Variants in RAD23A observed in about 807,000 individuals in gnomAD.
RAD23A encodes the protein lysine-specific demethylase RAD23A.
RAD23A carries 16 observed loss-of-function variants against 44.8 expected under a neutral mutation model. The observed-to-expected ratio is 0.36, with a 90% confidence interval of 0.24 to 0.54. RAD23A has a LOEUF of 0.54. Ranked by LOEUF, RAD23A falls within the 20% of genes least tolerant of loss-of-function variation. The pLI, the probability that RAD23A is intolerant of heterozygous loss-of-function variation, is 0.89. For missense variants in RAD23A, 380 were observed against 483.3 expected (o/e 0.79, Z 2.00); for synonymous variants, 217 against 202.9 (o/e 1.07, Z -0.59).
At position 12,953,077 on chromosome 19, in the gene RAD23A, C is replaced by T. The variant is rs893801263; in HGVS notation, c.*28C>T. ...CCAGGAAGCCAGGCCACCGAAGCCC[C>T]CACCCTACCCTTATTCCATGAAAGT... On this transcript the variant is annotated 3_prime_UTR_variant, in exon 9 of 9. Coordinates refer to ENST00000586534, the MANE Select transcript of RAD23A (RefSeq NM_005053.4). The T allele has an allele frequency of 2.0e-6, 3 of 1,505,092 alleles. No individual in the cohort carries two copies. In the African/African-American group the frequency reaches 4.2e-5, roughly 21 times the overall value. 93.2% of individuals were successfully genotyped at this position (1,505,092 alleles called of 1,614,324 possible). A position where few individuals can be genotyped will look rare whatever the true frequency, so the allele number is the denominator to read the frequency against.
intron 7 of RAD23A, 179 bp downstream of exon 7, chr19:12,949,587 A>G: frequency 1.3e-6 from 1 of 761,690 alleles, no homozygotes; most frequent in Non-Finnish European, 2.1e-6. Context: ...AGTCTTCCCA[A>G]CCACCTTGTA....
chr19:12,946,432 G>GACA (rs1161835640), intron 1 of RAD23A, among the ~76,000 whole-genome samples: 1 of 152,198 alleles, frequency 6.6e-6, no homozygotes, highest in East Asian at 1.9e-4. Context: ...GAGTAGTGAC[G>GACA]ACAACAACGA....
chr19:12,948,787 C>T lies in RAD23A; in HGVS notation c.574C>T (p.His192Tyr). 6.2e-7 allele frequency: 1 copy of T among 1,612,200 alleles called. No individual in the cohort carries two copies. Among genetic ancestry groups the T allele is most frequent in the South Asian group, 1.1e-5 (1 of 90,978 alleles). ...AALRASYNNP[H>Y]RAVEYLLTGI... The stretch of plus-strand genomic sequence containing the variant: ...CCTGAGAGCCAGCTACAACAACCCC[C>T]ACCGAGCCGTGGAGTATCTGCTCAC... The change falls in exon 5 of 9, where the codon CAC (histidine) becomes TAC (tyrosine). Residue 192 changes from histidine to tyrosine, a missense_variant. His to Tyr is a moderately conservative substitution (Grantham distance 83, BLOSUM62 2). Around this residue, in one of 3 missense-constraint regions of RAD23A, gnomAD observed 279 missense variants for 313.7 expected, o/e 0.89. Coordinates refer to ENST00000586534, the MANE Select transcript of RAD23A (RefSeq NM_005053.4). The surrounding 1 kb of genome is among the most constrained non-coding windows in gnomAD (Gnocchi z 5.5).
chr19:12,948,492 T>G lies in RAD23A; in HGVS notation c.417-5T>G. 1.9e-6 allele frequency: 3 copies of G among 1,582,490 alleles called. No individual in the cohort carries two copies. The highest frequency in any genetic ancestry group is 2.6e-6 in the Non-Finnish European group (3 of 1,164,870). On this transcript the variant is annotated splice_polypyrimidine_tract_variant and splice_region_variant and intron_variant, in intron 3 of 8. Transcript: ENST00000586534. This position sits in a 1 kb window ranked among gnomAD's most constrained non-coding sequence, Gnocchi z 5.5. ...GGGTCCGATTTCTCTCTCTTGAATT[T>G]GCAGCTCTGTTCCCTCTTCAGGTAG...
In RAD23A at chr19:12,948,340, C is replaced by T. The variant is rs1971719531; in HGVS notation, c.398C>T (p.Ser133Phe). 9 of 1,594,374 alleles carry T rather than the reference C, an allele frequency of 5.6e-6. No individual in the cohort carries two copies. The highest frequency in any genetic ancestry group is 7.7e-6 in the Non-Finnish European group (9 of 1,168,874). ...TCAGAGGAATCCGCCCCCACGACGT[C>T]CCCAGAGTCTGTGTCAGGGTAAGGC... ...SPSEESAPTT[S>F]PESVSGSVPS... The change falls in exon 3 of 9, where the codon TCC becomes TTC. Residue 133 changes from serine (S) to phenylalanine (F), a missense_variant. By Grantham distance (155) the Ser-to-Phe change is radical. This residue lies in a region of RAD23A where 279 missense variants were observed against 313.7 expected (regional missense o/e 0.89). Coordinates refer to ENST00000586534, the MANE Select transcript of RAD23A (RefSeq NM_005053.4). This position sits in a 1 kb window ranked among gnomAD's most constrained non-coding sequence, Gnocchi z 5.5.
rs1305820327 is a variant in RAD23A, at chr19:12,948,851, G to A, written c.600+38G>A. The A allele has an allele frequency of 6.4e-7, 1 of 1,572,194 alleles. No individual in the cohort carries two copies. The highest frequency in any genetic ancestry group is 1.2e-5 in the South Asian group (1 of 85,440). ...TTCCGCCTCCCGGGGAGGCCTTGAG[G>A]GAGTACCCGGGCGTCACTGCCCTGA... On this transcript the variant is annotated intron_variant, in intron 5 of 8. Coordinates refer to ENST00000586534, the MANE Select transcript of RAD23A (RefSeq NM_005053.4). The surrounding 1 kb of genome is among the most constrained non-coding windows in gnomAD (Gnocchi z 5.5).
intron 1 of RAD23A, among the ~76,000 whole-genome samples, chr19:12,947,468 C>T (rs1599666617): frequency 1.3e-5 from 2 of 152,152 alleles, no homozygotes; most frequent in African/African-American, 4.8e-5. Flanking sequence ...CACTTATTGT[C>T]CAAGGTAGAG....
intron 1 of RAD23A, 64 bp downstream of exon 1, chr19:12,946,084 G>GGTTGGGGGGGGGGGGGGGGGGGGGGGC: frequency 3.9e-6 from 2 of 512,144 alleles, no homozygotes; most frequent in Non-Finnish European, 7.3e-6. Flanking sequence ...TGGGGGCGGG[G>GGTTGGGGGGGGGGGGGGGGGGGGGGGC]AGGCTAGAAT....
At chr19:12,949,694 T>A in intron 7 of RAD23A, 1 of 489,950 alleles carries the variant, frequency 2.0e-6, no homozygotes, top group African/African-American at 1.9e-5. Flanking sequence ...GTAGTGTGTG[T>A]GTCTGCCTCC....
intron 7 of RAD23A, 95 bp downstream of exon 7, chr19:12,949,503 G>A (rs1010522176): frequency 2.5e-5 from 38 of 1,515,876 alleles, no homozygotes; most frequent in South Asian, 7.4e-5. Flanking sequence ...TTCTAGGTCC[G>A]GAAAGCAGGA....
chr19:12,946,530 T>G (rs549137637), intron 1 of RAD23A, among the ~76,000 whole-genome samples: 15 of 152,280 alleles, frequency 9.9e-5, no homozygotes, highest in Non-Finnish European at 2.1e-4. Flanking sequence ...CACCGAGTGT[T>G]GTAGTGTTGT....
At chr19:12,951,959 C>T (rs539914813) in intron 7 of RAD23A, among the ~76,000 whole-genome samples, 1 of 150,764 alleles carries the variant, frequency 6.6e-6, no homozygotes, top group African/African-American at 2.4e-5. Flanking sequence ...TTGAGAGTCT[C>T]TTGCCCAGGC....
At chr19:12,949,498 G>T in intron 7 of RAD23A, 90 bp downstream of exon 7, 1 of 1,533,078 alleles carries the variant, frequency 6.5e-7, no homozygotes, top group Non-Finnish European at 8.9e-7. Flanking sequence ...AATCGTTCTA[G>T]GTCCGGAAAG....
intron 1 of RAD23A, among the ~76,000 whole-genome samples, chr19:12,946,844 C>T (rs1342505355): frequency 2.0e-5 from 3 of 152,112 alleles, no homozygotes; most frequent in Non-Finnish European, 4.4e-5. Context: ...ATTTTTTGAT[C>T]CGCTCAAGTG....
rs1282647501 is a variant in RAD23A at position 12,948,346 on chromosome 19, A to G, written c.404A>G (p.Glu135Gly). 2 of 1,590,578 alleles carry G rather than the reference A, an allele frequency of 1.3e-6. No individual in the cohort carries two copies. Among genetic ancestry groups the G allele is most frequent in the Non-Finnish European group, 8.6e-7 (1 of 1,167,084 alleles). Residue 135 changes from glutamate (E) to glycine (G), a missense_variant, in exon 3 of 9, where the codon GAG (glutamate) becomes GGG (glycine). Glu to Gly is a moderately conservative substitution (Grantham distance 98). This residue lies in a region of RAD23A where 279 missense variants were observed against 313.7 expected (regional missense o/e 0.89). Transcript: ENST00000586534. This position sits in a 1 kb window ranked among gnomAD's most constrained non-coding sequence, Gnocchi z 5.5. ...GAATCCGCCCCCACGACGTCCCCAG[A>G]GTCTGTGTCAGGGTAAGGCGGGGGC... ...SEESAPTTSP[E>G]SVSGSVPSSG...
chr19:12,946,229 G>A lies in RAD23A; in HGVS notation c.72+209G>A, dbSNP rs562104518. ...GGGCGGCGCTCCTGCGCCGGTCTCC[G>A]GGCGAGGCCCCACCCCCGGGGCGCT... is the stretch of plus-strand genomic sequence containing the variant. On this transcript the variant is annotated intron_variant, in intron 1 of 8. Transcript: ENST00000586534. Among the ~76,000 whole-genome samples the A allele has an allele frequency of 5.8e-4, 88 of 152,310 alleles. 1 individual carries two copies. Among genetic ancestry groups the A allele is most frequent in the African/African-American group, 2.1e-3 (86 of 41,578 alleles).
Position 12,953,078 on chromosome 19 carries a change from C to G in RAD23A, c.*29C>G. ...CAGGAAGCCAGGCCACCGAAGCCCCCACCCTACCCTTATTCCATGAAAGTT... is the reference window on the plus strand; with the variant it reads ...CAGGAAGCCAGGCCACCGAAGCCCCGACCCTACCCTTATTCCATGAAAGTT... On this transcript the variant is annotated 3_prime_UTR_variant, in exon 9 of 9. Transcript: ENST00000586534. 6.6e-7 allele frequency: 1 copy of G among 1,506,258 alleles called. No homozygotes were observed. Among genetic ancestry groups the G allele is most frequent in the Non-Finnish European group, 9.2e-7 (1 of 1,085,188 alleles). 93.3% of individuals were successfully genotyped at this position (1,506,258 alleles called of 1,614,324 possible).
intron 7 of RAD23A, among the ~76,000 whole-genome samples, chr19:12,950,624 A>G (rs1190469128): frequency 6.6e-6 from 1 of 152,024 alleles, no homozygotes; most frequent in Non-Finnish European, 1.5e-5. Context: ...GATGGTCTCA[A>G]TCTCCTGACC....
intron 1 of RAD23A, among the ~76,000 whole-genome samples, chr19:12,947,266 AATT>A (rs1325385670): frequency 1.3e-5 from 2 of 151,982 alleles, no homozygotes; most frequent in Non-Finnish European, 2.9e-5. Flanking sequence ...TACAAAAAAA[AATT>A]ATTTTTAATT....
Sources: allele counts gnomAD v4.1 joint callset (sites outside exome capture counted in the v4.1 genomes callset), GRCh38; gene constraint gnomAD v4.1.1; regional missense constraint gnomAD v4.1.1; non-coding constraint Gnocchi (gnomAD v3.1); transcripts MANE v1.5; gene names NCBI Gene and HGNC (gene_info 2026-07-23, HGNC 2026-07-21).